CELF5: variants seen among roughly 807,000 people sequenced by gnomAD.
The protein encoded by CELF5 is CUGBP Elav-like family member 5.
In CELF5, 6 loss-of-function variants were observed where a neutral mutation model predicts 54.9. The observed-to-expected ratio is 0.11, with a 90% confidence interval of 0.06 to 0.22. The LOEUF (loss-of-function observed/expected upper bound fraction) is 0.22, where lower values mean the gene tolerates loss of function less well. Ranked by LOEUF, CELF5 falls within the 10% of genes least tolerant of loss-of-function variation. The pLI is 1.00. For synonymous variants in CELF5, 271 were observed against 290.9 expected, an observed-to-expected ratio of 0.93 and a Z score of 0.70; for missense variants, 401 against 678.6, an observed-to-expected ratio of 0.59 and a Z score of 4.54.
At chr19:3,246,092 G>A (rs995539498) in intron 1 of CELF5, among the ~76,000 whole-genome samples, 7 of 152,272 alleles carry the variant, frequency 4.6e-5, no homozygotes, top group African/African-American at 1.4e-4. Context: ...GGCCGGGTGC[G>A]GTGGCTTACG....
rs753760231 is a variant in CELF5 at position 3,238,998 on chromosome 19, C to T, written c.260-11987C>T. Among the ~76,000 whole-genome samples, 115 of 152,328 alleles carry T rather than the reference C, an allele frequency of 7.5e-4. 1 individual carries two copies. The highest frequency in any genetic ancestry group is 1.2e-3 in the Non-Finnish European group (84 of 68,032). On this transcript the variant is annotated intron_variant, in intron 1 of 12. Transcript: ENST00000292672. ...TGGGGCCTGCCTTCATCTAGCTTGA[C>T]TTCATCCCAAATTCCTTATTGAAAT...
rs544921533 is a variant in CELF5, at chr19:3,231,705, C to T, written c.259+6707C>T. 2.1e-4 allele frequency among the ~76,000 whole-genome samples: 22 copies of T among 106,882 alleles called. No homozygotes were observed. In the South Asian group the frequency reaches 3.1e-3, roughly 15 times the overall value. 70.1% of individuals were successfully genotyped at this position (106,882 alleles called of 152,430 possible). On this transcript the variant is annotated intron_variant, in intron 1 of 12. Transcript: ENST00000292672. Reference sequence around the variant, plus strand: ...GTGGGTGGATGGATGGATGGATGGGCGGATGAATAGATTGGTGGATGATGG... The same window carrying T: ...GTGGGTGGATGGATGGATGGATGGGTGGATGAATAGATTGGTGGATGATGG...
intron 2 of CELF5, among the ~76,000 whole-genome samples, chr19:3,260,075 C>T (rs371708465): frequency 1.1e-4 from 17 of 152,074 alleles, no homozygotes; most frequent in African/African-American, 4.1e-4. Flanking sequence ...CCAATATATC[C>T]CAATTCTTAC....
At chr19:3,276,142 T>G (rs1599460715) in intron 4 of CELF5, among the ~76,000 whole-genome samples, 158 bp downstream of exon 4, 4 of 34,868 alleles carry the variant, frequency 1.1e-4, no homozygotes, top group Middle Eastern at 0.038. Context: ...AGTCTGTGGG[T>G]GAGGCTGCAG....
At chr19:3,285,758 T>C (rs1399475852) in intron 9 of CELF5, among the ~76,000 whole-genome samples, 184 bp from the exon 10 acceptor site, 10 of 137,420 alleles carry the variant, frequency 7.3e-5, no homozygotes, top group African/African-American at 2.7e-4. Context: ...GTTTCGTCTG[T>C]GATCTTGGCC....
At position 3,251,179 on chromosome 19, in the gene CELF5, C is replaced by T. The variant is rs556401665; in HGVS notation, c.342+112C>T. ...TGTGAATTCTGTGTGTCTCGGGACT[C>T]AGAAAGAGGTATGAGGAGCAGAGGT... On this transcript the variant is annotated intron_variant, in intron 2 of 12. Transcript: ENST00000292672. The T allele has an allele frequency of 1.6e-3, 1,211 of 769,342 alleles. 7 individuals carry two copies. Among genetic ancestry groups the T allele is most frequent in the South Asian group, 2.2e-3 (142 of 64,366 alleles). 47.7% of individuals were successfully genotyped at this position (769,342 alleles called of 1,614,324 possible). A position where few individuals can be genotyped will look rare whatever the true frequency, so the allele number is the denominator to read the frequency against.
At chr19:3,293,035 G>A (rs1042229860) in intron 11 of CELF5, among the ~76,000 whole-genome samples, 4 of 152,154 alleles carry the variant, frequency 2.6e-5, no homozygotes, top group African/African-American at 7.2e-5. Context: ...GGCCCTCCAG[G>A]ACCCTCGGAA....
intron 1 of CELF5, among the ~76,000 whole-genome samples, chr19:3,239,219 C>A (rs2079457390): frequency 6.6e-6 from 1 of 152,010 alleles, no homozygotes; most frequent in African/African-American, 2.4e-5. Flanking sequence ...CCCGCCTCAG[C>A]CCGTTTAGTA....
intron 1 of CELF5, among the ~76,000 whole-genome samples, chr19:3,229,844 A>G (rs369700434): frequency 9.9e-5 from 15 of 152,236 alleles, no homozygotes; most frequent in Admixed American, 4.6e-4. Context: ...AACTCCAGGG[A>G]AGCTCAGGTG....
In CELF5 at chr19:3,282,396, C is replaced by A; in HGVS notation, c.937C>A (p.Leu313Ile). 6.2e-7 allele frequency: 1 copy of A among 1,612,228 alleles called. No individual in the cohort carries two copies. Among genetic ancestry groups the A allele is most frequent in the East Asian group, 2.2e-5 (1 of 44,882 alleles). Residue 313 changes from leucine (L) to isoleucine (I), a missense_variant, in exon 8 of 13, where the codon CTC (leucine) becomes ATC (isoleucine). Leu to Ile is a conservative substitution (Grantham distance 5). This residue lies in a region of CELF5 where 143 missense variants were observed against 147.6 expected (regional missense o/e 0.97). Coordinates refer to ENST00000292672, the MANE Select transcript of CELF5 (RefSeq NM_021938.4). This position sits in a 1 kb window ranked among gnomAD's most constrained non-coding sequence, Gnocchi z 5.2. ...PLLGTTAVPG[L>I]VAPITNGFAG... ...GCTGGGCACCACCGCTGTGCCTGGCCTCGTGGCTCCCATCACCAATGGCTT... is the reference window on the plus strand; with the variant it reads ...GCTGGGCACCACCGCTGTGCCTGGCATCGTGGCTCCCATCACCAATGGCTT...
chr19:3,255,615 C>T (rs926544964), intron 2 of CELF5, among the ~76,000 whole-genome samples: 2 of 152,152 alleles, frequency 1.3e-5, no homozygotes, highest in African/African-American at 4.8e-5. Context: ...CTTCTCTCTG[C>T]TTCCACCTCT....
chr19:3,225,702 C>G (rs1916868435), intron 1 of CELF5: 2 of 506,858 alleles, frequency 3.9e-6, no homozygotes, highest in Non-Finnish European at 5.1e-6. Flanking sequence ...GGAGAGGCTC[C>G]CGTCGCTGCC....
At chr19:3,225,610 G>A (rs1916860807) in intron 1 of CELF5, 3 of 983,362 alleles carry the variant, frequency 3.1e-6, no homozygotes, top group Non-Finnish European at 3.6e-6. Context: ...CAGGACCCCA[G>A]GCTAATCGGT....
chr19:3,283,340 T>C (rs1022490540), intron 8 of CELF5, among the ~76,000 whole-genome samples: 1 of 152,308 alleles, frequency 6.6e-6, no homozygotes, highest in Non-Finnish European at 1.5e-5. Flanking sequence ...CTTTTTATTT[T>C]TTTAATTATT....
At chr19:3,225,649 C>G (rs2144949857) in intron 1 of CELF5, 1 of 962,470 alleles carries the variant, frequency 1.0e-6, no homozygotes, top group African/African-American at 1.8e-5. Context: ...GTTGGGGGCG[C>G]CCGGCTCGGG....
chr19:3,285,659 G>A (rs1333143495), intron 9 of CELF5, among the ~76,000 whole-genome samples: 1 of 56,606 alleles, frequency 1.8e-5, no homozygotes, highest in East Asian at 3.2e-4. Context: ...ACGCCATGGG[G>A]TCCGCCCCCA....
intron 2 of CELF5, among the ~76,000 whole-genome samples, chr19:3,273,483 C>A (rs534131190): frequency 1.4e-4 from 22 of 152,232 alleles, no homozygotes; most frequent in Non-Finnish European, 2.8e-4. Context: ...ACTTAACTTC[C>A]ACCACATTCT....
intron 1 of CELF5, among the ~76,000 whole-genome samples, chr19:3,245,293 TTGCATCTGTGTGTGTGTGGTGTGTGTA>T (rs2079550864): frequency 7.0e-6 from 1 of 143,474 alleles, no homozygotes; most frequent in African/African-American, 2.6e-5. Flanking sequence ...GCGTGTGTGT[TTGCATCTGTGTGTGTGTGGTGTGTGTA>T]TGCATCTGTG....
chr19:3,276,879 TG>T lies in CELF5; in HGVS notation c.523+899del, dbSNP rs1367519406. The stretch of plus-strand genomic sequence containing the variant: ...GCGTGGCTTGTGATGGGGCGGGGTC[TG>T]GGGAGGGGCGGGGCTTCTCCACGGA... On this transcript the variant is annotated intron_variant, in intron 4 of 12. Coordinates refer to ENST00000292672, the MANE Select transcript of CELF5 (RefSeq NM_021938.4). Among the ~76,000 whole-genome samples, 21 of 19,516 alleles carry T rather than the reference TG, an allele frequency of 1.1e-3. No homozygotes were observed. In the East Asian group the frequency reaches 0.017, roughly 15 times the overall value. 12.8% of individuals were successfully genotyped at this position (19,516 alleles called of 152,430 possible).
Sources: allele counts gnomAD v4.1 joint callset (sites outside exome capture counted in the v4.1 genomes callset), GRCh38; gene constraint gnomAD v4.1.1; regional missense constraint gnomAD v4.1.1; non-coding constraint Gnocchi (gnomAD v3.1); transcripts MANE v1.5; gene names NCBI Gene and HGNC (gene_info 2026-07-23, HGNC 2026-07-21).